Variants in GPC5 observed in about 807,000 individuals in gnomAD.
The protein encoded by GPC5 is glypican 5.
In GPC5, 47 loss-of-function variants were observed where a neutral mutation model predicts 53.9. The ratio of observed to expected loss-of-function variants is 0.87; its 90% CI spans 0.69 to 1.11. The LOEUF (loss-of-function observed/expected upper bound fraction) is 1.11. Ranked by LOEUF, GPC5 falls within the 50% of genes most tolerant of loss-of-function variation. The pLI is 0.00. For synonymous variants in GPC5, 286 were observed against 263.3 expected (o/e 1.09, Z -0.84); for missense variants, 748 against 713.1 (o/e 1.05, Z -0.56).
intron 2 of GPC5, among the ~76,000 whole-genome samples, chr13:91,498,815 A>C (rs1342394124): frequency 1.3e-5 from 2 of 152,004 alleles, no homozygotes; most frequent in Non-Finnish European, 2.9e-5. Flanking sequence ...ACAAAAAAAT[A>C]CAAAAATTAG....
chr13:92,388,054 A>G (rs1874819156), intron 7 of GPC5, among the ~76,000 whole-genome samples: 1 of 152,112 alleles, frequency 6.6e-6, no homozygotes, highest in African/African-American at 2.4e-5. Context: ...ATTAAAATTA[A>G]CCTTATTTAT....
intron 7 of GPC5, among the ~76,000 whole-genome samples, chr13:92,538,377 CCTCT>C (rs1225316362): frequency 1.3e-5 from 2 of 151,018 alleles, no homozygotes; most frequent in Non-Finnish European, 3.0e-5. Context: ...CCTTTCTTTC[CCTCT>C]CTCTTGCTTC....
chr13:91,733,208 C>T (rs564073626), intron 4 of GPC5, among the ~76,000 whole-genome samples: 2 of 152,264 alleles, frequency 1.3e-5, no homozygotes, highest in African/African-American at 4.8e-5. Flanking sequence ...ACAGTCTCGG[C>T]TCACTGCAAC....
chr13:92,554,099 G>T (rs2139019718), intron 7 of GPC5, among the ~76,000 whole-genome samples: 3 of 152,004 alleles, frequency 2.0e-5, no homozygotes, highest in Admixed American at 2.0e-4. Flanking sequence ...CACAATCATG[G>T]TTCAATAAGG....
intron 4 of GPC5, among the ~76,000 whole-genome samples, chr13:91,744,563 G>A (rs891713734): frequency 1.3e-5 from 2 of 152,112 alleles, no homozygotes; most frequent in Admixed American, 6.6e-5. Flanking sequence ...ATAAATTTGT[G>A]GGTGGAGGTA....
chr13:92,151,234 A>G (rs967647301), intron 7 of GPC5, among the ~76,000 whole-genome samples: 5 of 152,254 alleles, frequency 3.3e-5, no homozygotes, highest in South Asian at 4.1e-4. Context: ...AGCTGATCCC[A>G]GAGCCTCTCA....
intron 7 of GPC5, among the ~76,000 whole-genome samples, chr13:92,232,088 T>C (rs897756698): frequency 1.1e-4 from 16 of 152,312 alleles, no homozygotes; most frequent in Admixed American, 2.0e-4. Flanking sequence ...TATAAACTAT[T>C]CTGATAGAAT....
chr13:92,408,513 T>C lies in GPC5; in HGVS notation c.1561+263524T>C, dbSNP rs1321040769. ...TTTAAGTCATCTGTAACTAAGTCTCTGTATTCAATCTATATTTGTGCAGTG... is the reference window on the plus strand; with the variant it reads ...TTTAAGTCATCTGTAACTAAGTCTCCGTATTCAATCTATATTTGTGCAGTG... On this transcript the variant is annotated intron_variant, in intron 7 of 7. Transcript: ENST00000377067. 2.6e-5 allele frequency among the ~76,000 whole-genome samples: 4 copies of C among 152,090 alleles called. No homozygotes were observed. The East Asian group carries it at 7.7e-4, about 29-fold the overall frequency.
At chr13:92,128,782 G>A (rs1172572696) in intron 6 of GPC5, among the ~76,000 whole-genome samples, 2 of 152,096 alleles carry the variant, frequency 1.3e-5, no homozygotes, top group East Asian at 1.9e-4. Context: ...GGCCAACATG[G>A]TGAAACCCCA....
chr13:92,009,102 T>C (rs185964947), intron 6 of GPC5, among the ~76,000 whole-genome samples: 37 of 152,318 alleles, frequency 2.4e-4, no homozygotes, highest in Non-Finnish European at 5.9e-5. Context: ...CAGCTTTTAT[T>C]TTATAGCATT....
chr13:92,026,262 T>G lies in GPC5; in HGVS notation c.1401+118205T>G, dbSNP rs550914930. Among the ~76,000 whole-genome samples, 6 of 152,108 alleles carry G rather than the reference T, an allele frequency of 3.9e-5. No individual in the cohort carries two copies. The South Asian group carries it at 1.2e-3, about 32-fold the overall frequency. On this transcript the variant is annotated intron_variant, in intron 6 of 7. Transcript: ENST00000377067. ...AAATTATTAATAATGTATAGTTTCTTTACATAAATATTTCTATATTTTGCA... is the reference window on the plus strand; with the variant it reads ...AAATTATTAATAATGTATAGTTTCTGTACATAAATATTTCTATATTTTGCA...
intron 7 of GPC5, among the ~76,000 whole-genome samples, chr13:92,569,143 G>A (rs1251472567): frequency 3.1e-5 from 4 of 130,442 alleles, no homozygotes; most frequent in Non-Finnish European, 6.1e-5. Flanking sequence ...TGTTCTCATT[G>A]TTCAATTCCC....
At chr13:92,632,762 T>C (rs1885292274) in intron 7 of GPC5, among the ~76,000 whole-genome samples, 1 of 152,108 alleles carries the variant, frequency 6.6e-6, no homozygotes, top group Admixed American at 6.6e-5. Context: ...TAAGTTGGAC[T>C]CTCAGTTCCA....
chr13:91,716,710 G>T (rs979537089), intron 3 of GPC5, among the ~76,000 whole-genome samples: 1 of 152,166 alleles, frequency 6.6e-6, no homozygotes. Context: ...ATGAATGTGC[G>T]TGGAATGTTA....
At chr13:92,621,025 C>T (rs1884852181) in intron 7 of GPC5, among the ~76,000 whole-genome samples, 2 of 152,178 alleles carry the variant, frequency 1.3e-5, no homozygotes, top group South Asian at 2.1e-4. Flanking sequence ...ACCATTTTGT[C>T]TTTATTGAGT....
At chr13:91,813,720 T>C (rs1371311375) in intron 5 of GPC5, among the ~76,000 whole-genome samples, 1 of 152,122 alleles carries the variant, frequency 6.6e-6, no homozygotes, top group African/African-American at 2.4e-5. Context: ...ATCTACTCTT[T>C]TTGTAAAAGT....
chr13:91,740,313 T>A (rs2036903817), intron 4 of GPC5, among the ~76,000 whole-genome samples: 1 of 152,138 alleles, frequency 6.6e-6, no homozygotes, highest in Admixed American at 6.5e-5. Flanking sequence ...ATTCCCAAGT[T>A]CCTAACCATT....
rs1876709582 is a variant in GPC5, at chr13:91,399,120, A to T, written c.74A>T (p.Glu25Val). 9 of 1,610,852 alleles carry T rather than the reference A, an allele frequency of 5.6e-6. No individual in the cohort carries two copies. Among genetic ancestry groups the T allele is most frequent in the African/African-American group, 1.3e-5 (1 of 74,862 alleles). ...GCCCTGGTTGGGTCCGCCCGCAGCGAGGGCGTGCAGACCTGCGAAGAAGTT... is the reference window on the plus strand; with the variant it reads ...GCCCTGGTTGGGTCCGCCCGCAGCGTGGGCGTGCAGACCTGCGAAGAAGTT... ...LLALVGSARS[E>V]GVQTCEEVRK... Residue 25 changes from glutamate to valine, a missense_variant, in exon 1 of 8, where the codon GAG (glutamate) becomes GTG (valine). Transcript: ENST00000377067.
chr13:92,514,049 C>G (rs1025744839), intron 7 of GPC5, among the ~76,000 whole-genome samples: 5 of 151,792 alleles, frequency 3.3e-5, no homozygotes, highest in African/African-American at 1.2e-4. Context: ...TCAGATAAAT[C>G]AGTAAAAAGA....
Sources: allele counts gnomAD v4.1 joint callset (sites outside exome capture counted in the v4.1 genomes callset), GRCh38; gene constraint gnomAD v4.1.1; transcripts MANE v1.5; gene names NCBI Gene and HGNC (gene_info 2026-07-23, HGNC 2026-07-21).